Variants in KREMEN1 observed in about 807,000 individuals in gnomAD.
The protein encoded by KREMEN1 is kringle containing transmembrane protein 1.
KREMEN1 carries 30 observed loss-of-function variants against 46.5 expected under a neutral mutation model. The ratio of observed to expected loss-of-function variants is 0.65; its 90% confidence interval spans 0.48 to 0.88. The LOEUF (loss-of-function observed/expected upper bound fraction) is 0.88. Ranked by LOEUF, KREMEN1 falls within the 40% of genes least tolerant of loss-of-function variation. KREMEN1 has a pLI of 0.00. For synonymous variants in KREMEN1, 214 were observed against 230.6 expected (o/e 0.93, Z 0.65); for missense variants, 533 against 596.9 (o/e 0.89, Z 1.11).
intron 9 of KREMEN1, among the ~76,000 whole-genome samples, chr22:29,158,472 T>G (rs145412163): frequency 2.0e-5 from 3 of 152,174 alleles, no homozygotes; most frequent in Non-Finnish European, 2.9e-5. Flanking sequence ...AAACTGGGCC[T>G]GGAGGGCTGG....
chr22:29,099,770 G>A (rs1331399505), intron 3 of KREMEN1, among the ~76,000 whole-genome samples: 3 of 152,084 alleles, frequency 2.0e-5, no homozygotes, highest in Admixed American at 6.5e-5. Context: ...GGATGGTCTC[G>A]ATCTCTTGAC....
intron 1 of KREMEN1, among the ~76,000 whole-genome samples, chr22:29,082,882 T>C (rs1272944542): frequency 6.6e-6 from 1 of 152,210 alleles, no homozygotes; most frequent in African/African-American, 2.4e-5. Context: ...GCTGAGGTAT[T>C]GTCCATCAGC....
intron 3 of KREMEN1, among the ~76,000 whole-genome samples, chr22:29,099,702 C>T (rs747067070): frequency 2.0e-5 from 3 of 152,016 alleles, no homozygotes; most frequent in Non-Finnish European, 2.9e-5. Context: ...AGGCGTGCAC[C>T]ACCACGCCCA....
intron 8 of KREMEN1, 53 bp downstream of exon 8, chr22:29,140,419 A>G: frequency 8.0e-7 from 1 of 1,248,088 alleles, no homozygotes; most frequent in Admixed American, 1.7e-5. Flanking sequence ...CTCAGAGTTC[A>G]TTTTCTATGA....
chr22:29,155,247 G>A (rs762901872), intron 9 of KREMEN1, among the ~76,000 whole-genome samples: 6 of 152,176 alleles, frequency 3.9e-5, no homozygotes, highest in Non-Finnish European at 7.3e-5. Context: ...GAAGAAGACA[G>A]GAGGAGGCCA....
At chr22:29,100,647 C>G (rs2037962419) in intron 3 of KREMEN1, among the ~76,000 whole-genome samples, 1 of 152,134 alleles carries the variant, frequency 6.6e-6, no homozygotes, top group Non-Finnish European at 1.5e-5. Context: ...CTATACTATA[C>G]TTTTTACTGT....
intron 3 of KREMEN1, among the ~76,000 whole-genome samples, chr22:29,108,498 G>T (rs2038095712): frequency 6.6e-6 from 1 of 152,006 alleles, no homozygotes; most frequent in African/African-American, 2.4e-5. Flanking sequence ...AGTTTTTTTT[G>T]AAGATTAAAT....
intron 2 of KREMEN1, 85 bp downstream of exon 2, chr22:29,094,505 A>G: frequency 5.3e-6 from 7 of 1,327,778 alleles, no homozygotes; most frequent in Non-Finnish European, 7.2e-6. Flanking sequence ...GCTCACAACT[A>G]GGGGAAGTCT....
chr22:29,145,738 C>T lies in KREMEN1; in HGVS notation c.*3626C>T. 1.0e-6 allele frequency: 1 copy of T among 985,566 alleles called. No individual in the cohort carries two copies. The highest frequency in any genetic ancestry group is 1.2e-6 in the Non-Finnish European group (1 of 830,000). 61.1% of individuals were successfully genotyped at this position (985,566 alleles called of 1,614,324 possible). A position where few individuals can be genotyped will look rare whatever the true frequency, so the allele number is the denominator to read the frequency against. The stretch of plus-strand genomic sequence containing the variant: ...CCCCACGTCAGGACAGGCTTGAGGC[C>T]TCTCTGGGCGTGAGCGAGGAAACCA... On this transcript the variant is annotated 3_prime_UTR_variant, in exon 9 of 9. Coordinates refer to ENST00000400335, the MANE Select transcript of KREMEN1 (RefSeq NM_001039570.3).
chr22:29,137,870 G>C (rs2038696305), intron 6 of KREMEN1, among the ~76,000 whole-genome samples, 196 bp downstream of exon 6: 1 of 152,208 alleles, frequency 6.6e-6, no homozygotes, highest in African/African-American at 2.4e-5. Flanking sequence ...TCATGAGACA[G>C]AAAAGAGGTG....
intron 8 of KREMEN1, among the ~76,000 whole-genome samples, chr22:29,141,356 C>G (rs1452078246): frequency 2.6e-5 from 4 of 152,144 alleles, no homozygotes; most frequent in Non-Finnish European, 5.9e-5. Context: ...GGGGAAGCCT[C>G]TCAGGCTCAG....
chr22:29,140,001 T>C (rs1407680326), intron 7 of KREMEN1, among the ~76,000 whole-genome samples: 1 of 152,190 alleles, frequency 6.6e-6, no homozygotes, highest in East Asian at 1.9e-4. Flanking sequence ...AGAGACAAAA[T>C]GCATGTCATC....
At chr22:29,141,237 GTGTGTGTGTGTGTCTGCATGTGCA>G (rs1028103774) in intron 8 of KREMEN1, among the ~76,000 whole-genome samples, 5 of 150,648 alleles carry the variant, frequency 3.3e-5, no homozygotes, top group African/African-American at 9.8e-5. Flanking sequence ...GTGTGTGTGT[GTGTGTGTGTGTGTCTGCATGTGCA>G]TGTGTGTGTG....
In KREMEN1 at chr22:29,142,523, C is replaced by G; in HGVS notation, c.*411C>G. On this transcript the variant is annotated 3_prime_UTR_variant, in exon 9 of 9. Transcript: ENST00000400335. ...ATTTTTCTTGCTTCTCTATTTTTGTCCACACACAAATCAGTTTCTCCTGAT... is the reference window on the plus strand; with the variant it reads ...ATTTTTCTTGCTTCTCTATTTTTGTGCACACACAAATCAGTTTCTCCTGAT... The G allele has an allele frequency of 1.0e-6, 1 of 990,284 alleles. No individual in the cohort carries two copies. Among genetic ancestry groups the G allele is most frequent in the South Asian group, 4.7e-5 (1 of 21,370 alleles). 61.3% of individuals were successfully genotyped at this position (990,284 alleles called of 1,614,324 possible). A position where few individuals can be genotyped will look rare whatever the true frequency, so the allele number is the denominator to read the frequency against.
intron 5 of KREMEN1, among the ~76,000 whole-genome samples, chr22:29,136,936 G>A (rs2038667992): frequency 6.6e-6 from 1 of 152,198 alleles, no homozygotes; most frequent in South Asian, 2.1e-4. Flanking sequence ...AGTGGTTCGT[G>A]TGCTTTGTCT....
At chr22:29,098,787 C>T in intron 2 of KREMEN1, 75 bp from the exon 3 acceptor site, 3 of 1,116,196 alleles carry the variant, frequency 2.7e-6, no homozygotes, top group Non-Finnish European at 4.1e-6. Flanking sequence ...ATTTCCTTTT[C>T]TGTAAAACTG....
In KREMEN1 at chr22:29,102,492, G is replaced by A. The variant is rs1043970249; in HGVS notation, c.352+3539G>A. Among the ~76,000 whole-genome samples, 5 of 152,320 alleles carry A rather than the reference G, an allele frequency of 3.3e-5. No individual in the cohort carries two copies. The East Asian group carries it at 5.8e-4, about 18-fold the overall frequency. The stretch of plus-strand genomic sequence containing the variant: ...GGTCCATTTGTTCAACACAAAGATA[G>A]TCTTTTAGTACCAGCCTGTGTCATT... On this transcript the variant is annotated intron_variant, in intron 3 of 8. Transcript: ENST00000400335.
intron 5 of KREMEN1, among the ~76,000 whole-genome samples, chr22:29,135,101 G>A (rs2038635268): frequency 6.6e-6 from 1 of 152,206 alleles, no homozygotes; most frequent in African/African-American, 2.4e-5. Context: ...CGTCTGTGGT[G>A]GATCTTGGGA....
At chr22:29,098,357 A>G (rs1192710349) in intron 2 of KREMEN1, among the ~76,000 whole-genome samples, 2 of 152,166 alleles carry the variant, frequency 1.3e-5, no homozygotes, top group African/African-American at 2.4e-5. Flanking sequence ...TTTGTTGAAC[A>G]TCTTTATAGG....
Sources: allele counts gnomAD v4.1 joint callset (sites outside exome capture counted in the v4.1 genomes callset), GRCh38; gene constraint gnomAD v4.1.1; transcripts MANE v1.5; gene names NCBI Gene and HGNC (gene_info 2026-07-23, HGNC 2026-07-21).